The following TAF1 variants were observed in gnomAD, a reference collection of about 807,000 sequenced individuals.
TAF1 encodes the protein transcription initiation factor TFIID subunit 1.
A neutral mutation model predicts 138.5 loss-of-function variants in TAF1; 2 were observed. That is an observed-to-expected ratio of 0.01 (90% CI 0.01 to 0.05). TAF1 has a LOEUF of 0.05. Among genes scored for constraint, TAF1 ranks in the 10% least tolerant of loss-of-function variants. TAF1 has a pLI of 1.00. For synonymous variants in TAF1, 437 were observed against 503.2 expected, an observed-to-expected ratio of 0.87 and a Z score of 1.76; for missense variants, 709 against 1,478.0, an observed-to-expected ratio of 0.48 and a Z score of 8.53.
intron 13 of TAF1, among the ~76,000 whole-genome samples, chrX:71,483,211 C>T (rs1167040155): frequency 1.1e-5 from 1 of 88,814 alleles, no homozygotes; most frequent in Non-Finnish European, 2.1e-5. Context: ...TGATCTTGAA[C>T]TCCTGGGCTC....
chrX:71,515,133 G>GAGAC (rs2039803310), intron 13 of TAF1, among the ~76,000 whole-genome samples: 1 of 111,788 alleles, frequency 8.9e-6, no homozygotes, highest in African/African-American at 3.3e-5. Flanking sequence ...TAGAGCCCCA[G>GAGAC]AGACCAGTTA....
intron 26 of TAF1, 111 bp from the exon 27 acceptor site, chrX:71,407,463 C>T: frequency 1.5e-6 from 1 of 654,412 alleles, no homozygotes; most frequent in Non-Finnish European, 2.4e-6. Flanking sequence ...AGTGGTCCAC[C>T]CACCTCAGCC....
intron 13 of TAF1, among the ~76,000 whole-genome samples, chrX:71,384,655 G>A (rs927522780): frequency 7.2e-5 from 8 of 111,255 alleles, no homozygotes; most frequent in Admixed American, 4.8e-4. Flanking sequence ...TGATCTGCCC[G>A]TCTTGGCCTT....
chrX:71,420,044 C>G, intron 28 of TAF1: 3 of 304,304 alleles, frequency 9.9e-6, no homozygotes, highest in Non-Finnish European at 1.2e-5. Flanking sequence ...CCCCTTCTGT[C>G]CTCTTTTTTT....
downstream of TAF1, among the ~76,000 whole-genome samples, chrX:71,469,413 G>T (rs1380803817): frequency 9.0e-6 from 1 of 111,025 alleles, no homozygotes; most frequent in Non-Finnish European, 1.9e-5. Flanking sequence ...AATAATGGTG[G>T]CTGGGCACAG....
intron 3 of TAF1, among the ~76,000 whole-genome samples, chrX:71,374,425 G>A (rs1464839152): frequency 2.7e-5 from 3 of 111,468 alleles, no homozygotes; most frequent in South Asian, 3.7e-4. Context: ...GACTTGCACC[G>A]TGATGTCATC....
chrX:71,524,696 A>T (rs2039964688), intron 13 of TAF1, among the ~76,000 whole-genome samples: 1 of 109,443 alleles, frequency 9.1e-6, no homozygotes, highest in African/African-American at 3.3e-5. Flanking sequence ...TAATCCCAGC[A>T]CTTTGGGAGG....
At chrX:71,393,156 T>C in intron 20 of TAF1, 145 bp from the exon 21 acceptor site, 1 of 1,055,244 alleles carries the variant, frequency 9.5e-7, no homozygotes, top group Admixed American at 3.3e-5. Flanking sequence ...TGTAATCTGC[T>C]TTGGGGTGAT....
chrX:71,410,268 C>T (rs921918120), intron 28 of TAF1, among the ~76,000 whole-genome samples: 1 of 109,834 alleles, frequency 9.1e-6, no homozygotes, highest in South Asian at 3.9e-4. Flanking sequence ...GATGAACATA[C>T]AGGCCCGTAG....
intron 13 of TAF1, among the ~76,000 whole-genome samples, chrX:71,490,490 G>A (rs1353071171): frequency 9.1e-6 from 1 of 109,799 alleles, no homozygotes; most frequent in Non-Finnish European, 1.9e-5. Context: ...GCAGTGGCGC[G>A]ATCTCGGCTC....
chrX:71,430,601 CTA>C (rs1392740494), intron 32 of TAF1, among the ~76,000 whole-genome samples: 6 of 111,151 alleles, frequency 5.4e-5, no homozygotes, highest in Admixed American at 2.9e-4. Context: ...GTGAAATGGG[CTA>C]TGTTGTGGGG....
At chrX:71,399,744 T>G (rs760699010) in intron 24 of TAF1, among the ~76,000 whole-genome samples, 159 of 109,019 alleles carry the variant, frequency 1.5e-3, no homozygotes, top group African/African-American at 5.3e-3. Flanking sequence ...GCTAATTTTT[T>G]TTTTGAGACA....
downstream of TAF1, among the ~76,000 whole-genome samples, chrX:71,467,769 C>G (rs1602779459): frequency 9.0e-6 from 1 of 111,612 alleles, no homozygotes; most frequent in African/African-American, 3.3e-5. Flanking sequence ...AAGTGACATT[C>G]GTAACATCAC....
At chrX:71,423,405 CTTTT>C in intron 30 of TAF1, 166 bp downstream of exon 30, 1 of 430,825 alleles carries the variant, frequency 2.3e-6, no homozygotes, top group South Asian at 1.2e-4. Context: ...GGTACATTAT[CTTTT>C]TTTTTTAAGA....
chrX:71,388,598 G>C, intron 16 of TAF1, 140 bp from the exon 17 acceptor site: 2 of 950,169 alleles, frequency 2.1e-6, no homozygotes, highest in Non-Finnish European at 2.9e-6. Context: ...AAACTTAGCA[G>C]CTGGGGTTTT....
intron 13 of TAF1, among the ~76,000 whole-genome samples, chrX:71,526,633 A>G (rs963757329): frequency 8.9e-6 from 1 of 112,178 alleles, no homozygotes; most frequent in Non-Finnish European, 1.9e-5. Context: ...ATATCAATGC[A>G]TAATTCTAAA....
intron 13 of TAF1, among the ~76,000 whole-genome samples, chrX:71,523,306 C>A (rs2039939115): frequency 9.1e-6 from 1 of 110,131 alleles, no homozygotes; most frequent in African/African-American, 3.3e-5. Flanking sequence ...TTTATTTCTC[C>A]TTTTCCTTTC....
intron 13 of TAF1, among the ~76,000 whole-genome samples, chrX:71,524,024 T>TA (rs2039950937): frequency 9.7e-6 from 1 of 102,890 alleles, no homozygotes; most frequent in Admixed American, 1.0e-4. Flanking sequence ...TAGTTCTTTT[T>TA]TTTTTTTTTT....
At chrX:71,428,343 G>A (rs2036703281) in intron 32 of TAF1, among the ~76,000 whole-genome samples, 1 of 111,462 alleles carries the variant, frequency 9.0e-6, no homozygotes, top group African/African-American at 3.3e-5. Flanking sequence ...GTATAAAATT[G>A]TGTGAGATTT....
Sources: gnomAD v4.1 joint callset for allele counts (sites outside exome capture counted in the v4.1 genomes callset) on GRCh38, gnomAD v4.1.1 for gene constraint, MANE v1.5 for transcripts, NCBI Gene and HGNC (gene_info 2026-07-23, HGNC 2026-07-21) for gene names.